Variants in PIK3CB observed in about 807,000 individuals in gnomAD.
PIK3CB encodes the protein phosphatidylinositol-4,5-bisphosphate 3-kinase catalytic subunit beta.
A neutral mutation model predicts 136.8 loss-of-function variants in PIK3CB; 39 were observed. The ratio of observed to expected loss-of-function variants is 0.29; its 90% CI spans 0.22 to 0.37. PIK3CB has a LOEUF of 0.37. PIK3CB is among the 10% of genes least tolerant of loss of function. The probability of loss-of-function intolerance (pLI) is 1.00; values close to 1 mark genes in which losing one functional copy is unlikely to be tolerated. For missense variants in PIK3CB, 868 were observed against 1,275.4 expected (o/e 0.68, Z 4.87); for synonymous variants, 428 against 436.6 (o/e 0.98, Z 0.25).
Position 138,681,959 on chromosome 3 carries a change from G to C in PIK3CB, c.2504+8C>G, listed in dbSNP as rs375283121. 1 of 1,536,250 alleles carries C rather than the reference G, an allele frequency of 6.5e-7. No homozygotes were observed. The highest frequency in any genetic ancestry group is 8.9e-7 in the Non-Finnish European group (1 of 1,124,780). The stretch of plus-strand genomic sequence containing the variant: ...TAGACTGAAAAAAAAAAAAAGACTA[G>C]ATCTCACCGAAGATCCAAACCAGCT... On this transcript the variant is annotated splice_region_variant and intron_variant, in intron 19 of 23. Transcript: ENST00000674063.
At chr3:138,682,211 T>C (rs2043796331) in intron 18 of PIK3CB, among the ~76,000 whole-genome samples, 166 bp from the exon 19 acceptor site, 2 of 152,252 alleles carry the variant, frequency 1.3e-5, no homozygotes, top group Admixed American at 1.3e-4. Flanking sequence ...CATGTCCCTG[T>C]GACATTATTT....
intron 19 of PIK3CB, among the ~76,000 whole-genome samples, chr3:138,675,381 G>A (rs1038272280): frequency 6.6e-6 from 1 of 151,158 alleles, no homozygotes; most frequent in Admixed American, 6.6e-5. Flanking sequence ...ATGAGAGAGA[G>A]AGGCAGAAAA....
At chr3:138,741,234 G>T (rs747084188) in intron 5 of PIK3CB, among the ~76,000 whole-genome samples, 1 of 152,158 alleles carries the variant, frequency 6.6e-6, no homozygotes, top group East Asian at 1.9e-4. Flanking sequence ...AGGCAAAACT[G>T]GGTAAAACCA....
chr3:138,739,935 G>A (rs1020337646), intron 5 of PIK3CB, among the ~76,000 whole-genome samples: 2 of 151,728 alleles, frequency 1.3e-5, no homozygotes, highest in African/African-American at 4.8e-5. Flanking sequence ...AGAGACCCCA[G>A]AGAGCTTCCT....
intron 1 of PIK3CB, among the ~76,000 whole-genome samples, chr3:138,815,896 C>T (rs1161089587): frequency 1.3e-5 from 2 of 152,196 alleles, no homozygotes; most frequent in Non-Finnish European, 1.5e-5. Flanking sequence ...CTGGTGCCTG[C>T]ACAAAGAAAT....
chr3:138,787,383 A>C lies in PIK3CB; in HGVS notation c.-17+9080T>G, dbSNP rs537265231. Among the ~76,000 whole-genome samples, 5 of 151,066 alleles carry C rather than the reference A, an allele frequency of 3.3e-5. 1 individual carries two copies. The South Asian group carries it at 1.0e-3, about 31-fold the overall frequency. Reference sequence around the variant, plus strand: ...TCCGCTCAAAAAAAAAAAAAAAAAGAAGCTCCTAAAGGAAAACTTTTCAAA... The same window carrying C: ...TCCGCTCAAAAAAAAAAAAAAAAAGCAGCTCCTAAAGGAAAACTTTTCAAA... On this transcript the variant is annotated intron_variant, in intron 2 of 23. Transcript: ENST00000674063.
intron 1 of PIK3CB, among the ~76,000 whole-genome samples, chr3:138,821,015 G>A (rs569124223): frequency 6.6e-5 from 10 of 152,290 alleles, no homozygotes; most frequent in African/African-American, 1.9e-4. Context: ...GGCTGGGCAC[G>A]GTGGCTCACG....
intron 1 of PIK3CB, among the ~76,000 whole-genome samples, chr3:138,830,164 C>T (rs1933959289): frequency 6.6e-6 from 1 of 152,092 alleles, no homozygotes; most frequent in African/African-American, 2.4e-5. Context: ...CCATAAAACT[C>T]GAATATCCTA....
intron 4 of PIK3CB, among the ~76,000 whole-genome samples, chr3:138,748,102 C>T (rs2045397630): frequency 1.3e-5 from 2 of 150,264 alleles, no homozygotes; most frequent in Admixed American, 1.3e-4. Context: ...TGTTGAGAAA[C>T]TACATTAATA....
At chr3:138,825,078 G>C (rs1485192919) in intron 1 of PIK3CB, 3 of 247,614 alleles carry the variant, frequency 1.2e-5, no homozygotes, top group Admixed American at 1.2e-4. Context: ...ATTTGAGAAG[G>C]CAGCTACAGA....
chr3:138,656,769 T>C (rs780158099), intron 22 of PIK3CB, among the ~76,000 whole-genome samples: 18 of 152,024 alleles, frequency 1.2e-4, no homozygotes, highest in Non-Finnish European at 2.4e-4. Flanking sequence ...CTCAAGAAGA[T>C]CATCCAATGT....
At position 138,685,396 on chromosome 3, in the gene PIK3CB, C is replaced by CAA. The variant is rs398052626; in HGVS notation, c.2137-595_2137-594dup. ...TGGGTAAGAGAGTGAGAAACTGTCTCAAAAAAAAAAAAAAAAAAAAAAAAA... is the reference window on the plus strand; with the variant it reads ...TGGGTAAGAGAGTGAGAAACTGTCTCAAAAAAAAAAAAAAAAAAAAAAAAAAA... On this transcript the variant is annotated intron_variant, in intron 16 of 23. Coordinates refer to ENST00000674063, the MANE Select transcript of PIK3CB (RefSeq NM_006219.3). 5.9e-3 allele frequency among the ~76,000 whole-genome samples: 343 copies of CAA among 58,306 alleles called. 12 individuals are homozygous for CAA. Among genetic ancestry groups the CAA allele is most frequent in the African/African-American group, 0.016 (167 of 10,128 alleles). The allele number at this position is 58,306 out of a possible 152,430, so 38.3% of individuals were successfully genotyped here.
chr3:138,717,840 A>G (rs1331306880), intron 8 of PIK3CB, among the ~76,000 whole-genome samples: 2 of 152,098 alleles, frequency 1.3e-5, no homozygotes, highest in Non-Finnish European at 2.9e-5. Context: ...CTCCAGCTCC[A>G]CCCATGTTCC....
At chr3:138,826,328 G>C in intron 1 of PIK3CB, 1 of 1,597,304 alleles carries the variant, frequency 6.3e-7, no homozygotes, top group East Asian at 2.2e-5. Context: ...AAGGCTAAAT[G>C]AATATTATCC....
intron 2 of PIK3CB, among the ~76,000 whole-genome samples, chr3:138,776,650 T>G (rs1212826548): frequency 1.3e-5 from 2 of 152,014 alleles, no homozygotes; most frequent in South Asian, 2.1e-4. Context: ...GAGCTGTGAT[T>G]GTGGTACTGC....
At chr3:138,826,002 G>T in intron 1 of PIK3CB, 1 of 1,502,832 alleles carries the variant, frequency 6.7e-7, no homozygotes. Context: ...GGCCAAATCA[G>T]TGCTGGCTAT....
intron 14 of PIK3CB, among the ~76,000 whole-genome samples, chr3:138,691,461 T>C (rs1424854371): frequency 6.6e-6 from 1 of 152,196 alleles, no homozygotes; most frequent in Non-Finnish European, 1.5e-5. Flanking sequence ...AATTCCCACA[T>C]GTCAAAGGAG....
In PIK3CB at chr3:138,785,299, C is replaced by T. The variant is rs1159140306; in HGVS notation, c.-17+11164G>A. On this transcript the variant is annotated intron_variant, in intron 2 of 23. Transcript: ENST00000674063. Reference sequence around the variant, plus strand: ...AGGTGGGGGGGCGCCTCTGCCAGGCCGCCGCCCTGTCTGGGAGGTGTACCC... The same window carrying T: ...AGGTGGGGGGGCGCCTCTGCCAGGCTGCCGCCCTGTCTGGGAGGTGTACCC... Among the ~76,000 whole-genome samples the T allele has an allele frequency of 2.0e-5, 3 of 151,644 alleles. 1 individual carries two copies. Among genetic ancestry groups the T allele is most frequent in the South Asian group, 4.2e-4 (2 of 4,788 alleles).
At chr3:138,811,895 C>G (rs1322067994) in intron 1 of PIK3CB, among the ~76,000 whole-genome samples, 2 of 151,932 alleles carry the variant, frequency 1.3e-5, no homozygotes, top group East Asian at 3.9e-4. Flanking sequence ...TCAAGACCAG[C>G]CTGGGAACTG....
Sources: allele counts gnomAD v4.1 joint callset (sites outside exome capture counted in the v4.1 genomes callset), GRCh38; gene constraint gnomAD v4.1.1; transcripts MANE v1.5; gene names NCBI Gene and HGNC (gene_info 2026-07-23, HGNC 2026-07-21).